Variants in DNAH11 observed in about 807,000 individuals in gnomAD.
DNAH11 encodes the protein dynein axonemal heavy chain 11.
In DNAH11, 442 loss-of-function variants were observed where a neutral mutation model predicts 526.0. That is an observed-to-expected ratio of 0.84 (90% CI 0.78 to 0.91). The LOEUF is 0.91. DNAH11 is among the 40% of genes least tolerant of loss of function. DNAH11 has a pLI of 0.00. For synonymous variants in DNAH11, 2,461 were observed against 1,935.9 expected (o/e 1.27, Z -7.12); for missense variants, 6,989 against 5,448.7 (o/e 1.28, Z -8.90).
intron 55 of DNAH11, 115 bp downstream of exon 55, chr7:21,765,704 T>G: frequency 1.6e-6 from 2 of 1,286,950 alleles, no homozygotes; most frequent in Non-Finnish European, 2.1e-6. Flanking sequence ...GTACATCTCC[T>G]ATCAGAAAGC....
At chr7:21,754,393 A>T (rs1022747110) in intron 54 of DNAH11, among the ~76,000 whole-genome samples, 5 of 152,164 alleles carry the variant, frequency 3.3e-5, no homozygotes, top group Non-Finnish European at 7.4e-5. Context: ...ATATTTTTAT[A>T]TCCATCAGCC....
chr7:21,569,140 G>A (rs957048804), intron 6 of DNAH11, among the ~76,000 whole-genome samples: 1 of 152,098 alleles, frequency 6.6e-6, no homozygotes, highest in Non-Finnish European at 1.5e-5. Context: ...TTCATTAATG[G>A]GAAATGAAAG....
At position 21,892,667 on chromosome 7, in the gene DNAH11, G is replaced by C. The variant is rs2128047787; in HGVS notation, c.12750G>C (p.Lys4250Asn). The C allele has an allele frequency of 6.3e-7, 1 of 1,590,534 alleles. No homozygotes were observed. The highest frequency in any genetic ancestry group is 1.7e-4 in the Middle Eastern group (1 of 6,024). ...GDELGQSTEE[K>N]VKNVLDDILE... is the part of the protein sequence containing the mutation. ...AACTGGGGCAGTCTACAGAAGAAAAGGTAGAGGGTCTTTCCTTCCTTTTCT... is the reference window on the plus strand; with the variant it reads ...AACTGGGGCAGTCTACAGAAGAAAACGTAGAGGGTCTTTCCTTCCTTTTCT... Residue 4250 changes from lysine to asparagine, a missense_variant and splice_region_variant, in exon 77 of 82, where the codon AAG becomes AAC. Transcript: ENST00000409508.
intron 30 of DNAH11, among the ~76,000 whole-genome samples, chr7:21,681,342 G>A (rs894605371): frequency 1.3e-5 from 2 of 152,004 alleles, no homozygotes; most frequent in African/African-American, 4.8e-5. Flanking sequence ...CAGGAGAATT[G>A]CTTGAACCCA....
chr7:21,864,782 G>T, intron 70 of DNAH11, 125 bp downstream of exon 70: 1 of 925,704 alleles, frequency 1.1e-6, no homozygotes, highest in Non-Finnish European at 1.5e-6. Flanking sequence ...TTGTAGAAAT[G>T]CACTGTATAA....
intron 32 of DNAH11, among the ~76,000 whole-genome samples, chr7:21,686,094 A>C (rs948380998): frequency 6.6e-6 from 1 of 152,236 alleles, no homozygotes; most frequent in Non-Finnish European, 1.5e-5. Flanking sequence ...ACACTTAAAC[A>C]TGCAATGGAT....
chr7:21,899,725 C>T (rs1367578346), intron 80 of DNAH11, among the ~76,000 whole-genome samples: 3 of 152,182 alleles, frequency 2.0e-5, no homozygotes, highest in Non-Finnish European at 2.9e-5. Context: ...CACATAGCTT[C>T]TCTGCTACTG....
chr7:21,690,213 A>G (rs374881833), intron 34 of DNAH11, among the ~76,000 whole-genome samples: 20 of 152,232 alleles, frequency 1.3e-4, no homozygotes, highest in African/African-American at 4.6e-4. Context: ...TAACTTGCCT[A>G]AAAGGGATAT....
At chr7:21,784,308 T>C in intron 57 of DNAH11, 119 bp from the exon 58 acceptor site, 1 of 771,162 alleles carries the variant, frequency 1.3e-6, no homozygotes, top group Non-Finnish European at 2.2e-6. Flanking sequence ...ATTCCTCACC[T>C]GTTCAAAGTA....
chr7:21,889,255 T>A (rs373282434), intron 76 of DNAH11, among the ~76,000 whole-genome samples: 1 of 152,260 alleles, frequency 6.6e-6, no homozygotes, highest in East Asian at 1.9e-4. Context: ...CTGAATAATG[T>A]TCCATTGTAT....
chr7:21,690,475 A>G (rs1490583614), intron 34 of DNAH11, among the ~76,000 whole-genome samples: 2 of 152,226 alleles, frequency 1.3e-5, no homozygotes, highest in Non-Finnish European at 2.9e-5. Flanking sequence ...TCCTTCCATT[A>G]AATGTTAAAA....
At chr7:21,892,285 T>G in intron 76 of DNAH11, 140 bp from the exon 77 acceptor site, 6 of 1,245,726 alleles carry the variant, frequency 4.8e-6, no homozygotes, top group Non-Finnish European at 6.6e-6. Flanking sequence ...AATTGTTGAT[T>G]ATAAAACAGT....
intron 77 of DNAH11, among the ~76,000 whole-genome samples, chr7:21,894,090 T>A (rs1465356728): frequency 1.3e-5 from 2 of 152,210 alleles, no homozygotes; most frequent in Non-Finnish European, 2.9e-5. Flanking sequence ...AGTTTCACCA[T>A]GTTGGCCAGG....
At chr7:21,580,839 A>G (rs1283264931) in intron 8 of DNAH11, among the ~76,000 whole-genome samples, 1 of 152,238 alleles carries the variant, frequency 6.6e-6, no homozygotes, top group East Asian at 1.9e-4. Context: ...TTCAGACTCT[A>G]GCAGGTATAT....
chr7:21,546,643 G>T (rs67481486), intron 2 of DNAH11, among the ~76,000 whole-genome samples: 12,927 of 152,194 alleles, frequency 0.085, 1,624 homozygotes, highest in East Asian at 0.57. Flanking sequence ...CCATACCAGA[G>T]TGTATTATAT....
chr7:21,870,072 A>C (rs998431007), intron 73 of DNAH11, among the ~76,000 whole-genome samples: 12 of 152,210 alleles, frequency 7.9e-5, no homozygotes, highest in African/African-American at 2.2e-4. Context: ...ATTACAACAA[A>C]GCTCCTAGGT....
chr7:21,717,617 A>G (rs73275607), intron 42 of DNAH11, among the ~76,000 whole-genome samples, 158 bp from the exon 43 acceptor site: 81 of 152,332 alleles, frequency 5.3e-4, no homozygotes, highest in African/African-American at 1.8e-3. Flanking sequence ...TTAAAGGGCC[A>G]TTTTAAAATA....
At chr7:21,768,455 CAGTG>C (rs1166798896) in intron 55 of DNAH11, among the ~76,000 whole-genome samples, 3 of 152,194 alleles carry the variant, frequency 2.0e-5, no homozygotes, top group Non-Finnish European at 4.4e-5. Context: ...GGAAATGAAA[CAGTG>C]AGCTGTCTGG....
chr7:21,794,019 C>A (rs1164191498), intron 61 of DNAH11, among the ~76,000 whole-genome samples: 1 of 152,106 alleles, frequency 6.6e-6, no homozygotes, highest in Non-Finnish European at 1.5e-5. Context: ...CTGATTCTTT[C>A]TTCTGCTTTA....
Sources: gnomAD v4.1 joint callset for allele counts (sites outside exome capture counted in the v4.1 genomes callset) on GRCh38, gnomAD v4.1.1 for gene constraint, MANE v1.5 for transcripts, NCBI Gene and HGNC (gene_info 2026-07-23, HGNC 2026-07-21) for gene names.